The following GRM8 variants were observed in gnomAD, a reference collection of about 807,000 sequenced individuals.
GRM8 encodes the protein metabotropic glutamate receptor 8.
In GRM8, 47 loss-of-function variants were observed where a neutral mutation model predicts 87.2. The observed-to-expected ratio is 0.54, with a 90% CI of 0.43 to 0.69. The LOEUF (loss-of-function observed/expected upper bound fraction) is 0.69, where lower values mean the gene tolerates loss of function less well. Ranked by LOEUF, GRM8 falls within the 30% of genes least tolerant of loss-of-function variation. The pLI is 0.00. For synonymous variants in GRM8, 396 were observed against 404.5 expected (o/e 0.98, Z 0.25); for missense variants, 1,019 against 1,139.2 (o/e 0.89, Z 1.52).
chr7:126,883,453 C>A (rs987825383), intron 6 of GRM8, among the ~76,000 whole-genome samples: 2 of 152,134 alleles, frequency 1.3e-5, no homozygotes, highest in Non-Finnish European at 2.9e-5. Context: ...CATTCTGGTT[C>A]TTTTCTTTGT....
intron 2 of GRM8, among the ~76,000 whole-genome samples, chr7:127,213,941 G>A (rs1387158515): frequency 6.6e-6 from 1 of 152,110 alleles, no homozygotes; most frequent in South Asian, 2.1e-4. Flanking sequence ...GCCCAAAACT[G>A]AAAATTACCC....
intron 7 of GRM8, among the ~76,000 whole-genome samples, chr7:126,648,245 T>A (rs1035913514): frequency 1.2e-4 from 18 of 152,314 alleles, no homozygotes; most frequent in African/African-American, 4.1e-4. Flanking sequence ...CCATCCCCTA[T>A]ATACCTATCA....
At chr7:126,751,038 A>AC (rs1314813154) in intron 7 of GRM8, among the ~76,000 whole-genome samples, 2 of 125,764 alleles carry the variant, frequency 1.6e-5, no homozygotes, top group Non-Finnish European at 3.8e-5. Flanking sequence ...AATTATCCCT[A>AC]CTTTATATTA....
intron 8 of GRM8, among the ~76,000 whole-genome samples, chr7:126,604,424 T>C (rs1798150200): frequency 6.6e-6 from 1 of 152,120 alleles, no homozygotes; most frequent in Non-Finnish European, 1.5e-5. Context: ...ACAGCTTCAG[T>C]TTGATTTCAT....
intron 6 of GRM8, among the ~76,000 whole-genome samples, chr7:126,871,987 A>G (rs1586269959): frequency 6.6e-6 from 1 of 152,222 alleles, no homozygotes; most frequent in Non-Finnish European, 1.5e-5. Context: ...CATCCTTTAT[A>G]TTTTATCATT....
chr7:126,949,938 G>C (rs376188956), intron 3 of GRM8, among the ~76,000 whole-genome samples: 1 of 152,162 alleles, frequency 6.6e-6, no homozygotes, highest in Non-Finnish European at 1.5e-5. Context: ...GAGGAAGCCT[G>C]TAGGCTTCTG....
chr7:127,080,186 G>T (rs1353260164), intron 3 of GRM8, among the ~76,000 whole-genome samples: 1 of 152,010 alleles, frequency 6.6e-6, no homozygotes, highest in Non-Finnish European at 1.5e-5. Flanking sequence ...AAATGAGAAA[G>T]GTCATCATAA....
chr7:127,196,484 T>A (rs1587250184), intron 2 of GRM8, among the ~76,000 whole-genome samples: 1 of 151,164 alleles, frequency 6.6e-6, no homozygotes, highest in African/African-American at 2.4e-5. Flanking sequence ...ACCACTGCAC[T>A]CCAGCCTGGG....
intron 7 of GRM8, among the ~76,000 whole-genome samples, chr7:126,739,944 T>C (rs61756459): frequency 0.021 from 3,224 of 152,162 alleles, 122 homozygotes; most frequent in African/African-American, 0.073. Context: ...CCTAGGTGTG[T>C]AGCAGACTAT....
intron 9 of GRM8, among the ~76,000 whole-genome samples, chr7:126,456,518 C>CAAAAAAAAAA (rs1803242856): frequency 1.7e-4 from 1 of 5,718 alleles, no homozygotes; most frequent in African/African-American, 1.7e-3. Flanking sequence ...AAGCAGCAAG[C>CAAAAAAAAAA]TAAAAAAAAA....
chr7:127,154,501 C>G (rs139347199), intron 2 of GRM8, among the ~76,000 whole-genome samples: 155 of 152,238 alleles, frequency 1.0e-3, no homozygotes, highest in African/African-American at 3.6e-3. Context: ...TGTCCCGCCC[C>G]TTTCACAGAG....
At chr7:127,250,007 C>T (rs934327727) in intron 1 of GRM8, among the ~76,000 whole-genome samples, 14 of 152,252 alleles carry the variant, frequency 9.2e-5, no homozygotes, top group African/African-American at 3.4e-4. Flanking sequence ...GCAAGGTCAT[C>T]TTTATGATGG....
At chr7:126,871,388 C>T (rs930702447) in intron 6 of GRM8, among the ~76,000 whole-genome samples, 1 of 152,132 alleles carries the variant, frequency 6.6e-6, no homozygotes, top group Non-Finnish European at 1.5e-5. Flanking sequence ...TTCCGGAGTG[C>T]CTTATACATG....
At chr7:126,919,982 C>G (rs1804346345) in intron 3 of GRM8, among the ~76,000 whole-genome samples, 1 of 152,138 alleles carries the variant, frequency 6.6e-6, no homozygotes, top group Admixed American at 6.6e-5. Context: ...TGTCTGTGTA[C>G]TCTTAAAATC....
chr7:126,833,085 G>A lies in GRM8; in HGVS notation c.1157-63020C>T, dbSNP rs145854143. Among the ~76,000 whole-genome samples, 88 of 152,320 alleles carry A rather than the reference G, an allele frequency of 5.8e-4. 1 individual carries two copies. Among genetic ancestry groups the A allele is most frequent in the African/African-American group, 2.0e-3 (83 of 41,568 alleles). On this transcript the variant is annotated intron_variant, in intron 6 of 10. Coordinates refer to ENST00000339582, the MANE Select transcript of GRM8 (RefSeq NM_000845.3). ...ACCCTGCAGAAACATAAGGAGTCTT[G>A]AACAATCAGTCTCTTGGCTAGCCAA...
intron 9 of GRM8, among the ~76,000 whole-genome samples, chr7:126,505,722 C>T (rs980928521): frequency 6.6e-6 from 1 of 152,032 alleles, no homozygotes; most frequent in Admixed American, 6.6e-5. Flanking sequence ...ATAAAAACTG[C>T]ATATATTCAA....
intron 2 of GRM8, among the ~76,000 whole-genome samples, chr7:127,209,463 G>C (rs2116619922): frequency 6.6e-6 from 1 of 152,266 alleles, no homozygotes; most frequent in South Asian, 2.1e-4. Context: ...CCCCTACCTG[G>C]TCTCCAGCTC....
intron 3 of GRM8, among the ~76,000 whole-genome samples, chr7:127,042,253 G>A (rs1818494297): frequency 6.6e-6 from 1 of 152,178 alleles, no homozygotes; most frequent in East Asian, 1.9e-4. Flanking sequence ...ATACCTGTCT[G>A]CAGGGTAAGT....
At chr7:127,192,765 C>T (rs756391815) in intron 2 of GRM8, among the ~76,000 whole-genome samples, 3 of 152,176 alleles carry the variant, frequency 2.0e-5, no homozygotes, top group Non-Finnish European at 2.9e-5. Context: ...TGAAGCTGCC[C>T]AAAGCCTTGT....
Sources: allele counts gnomAD v4.1 joint callset (sites outside exome capture counted in the v4.1 genomes callset), GRCh38; gene constraint gnomAD v4.1.1; transcripts MANE v1.5; gene names NCBI Gene and HGNC (gene_info 2026-07-23, HGNC 2026-07-21).